Variants in GALNT13 observed in about 807,000 individuals in gnomAD.
GALNT13 encodes the protein polypeptide N-acetylgalactosaminyltransferase 13.
A neutral mutation model predicts 64.2 loss-of-function variants in GALNT13; 28 were observed. The ratio of observed to expected loss-of-function variants is 0.44; its 90% CI spans 0.32 to 0.60. GALNT13 has a LOEUF of 0.60. Ranked by LOEUF, GALNT13 falls within the 20% of genes least tolerant of loss-of-function variation. The pLI is 0.05. For missense variants in GALNT13, 577 were observed against 669.8 expected, an observed-to-expected ratio of 0.86 and a Z score of 1.53; for synonymous variants, 214 against 224.6, an observed-to-expected ratio of 0.95 and a Z score of 0.42.
intron 7 of GALNT13, 72 bp downstream of exon 7, chr2:154,246,054 C>A: frequency 9.9e-7 from 1 of 1,011,656 alleles, no homozygotes; most frequent in Non-Finnish European, 1.4e-6. Context: ...GATTTCTGTT[C>A]TAATGTTTAA....
chr2:153,817,476 G>A, the GALNT13 span, among the ~76,000 whole-genome samples: 1 of 152,202 alleles, frequency 6.6e-6, no homozygotes. Flanking sequence ...ACCCTGACCT[G>A]TCTTCAGCAA....
the GALNT13 span, among the ~76,000 whole-genome samples, chr2:153,075,703 A>G: frequency 1.3e-5 from 2 of 152,144 alleles, no homozygotes; most frequent in African/African-American, 4.8e-5. Flanking sequence ...CAAAAACAAG[A>G]TATGTCCAGA....
chr2:154,064,960 G>A (rs1700384542), intron 3 of GALNT13, among the ~76,000 whole-genome samples: 1 of 152,052 alleles, frequency 6.6e-6, no homozygotes, highest in Non-Finnish European at 1.5e-5. Flanking sequence ...TTGGCTCTTG[G>A]ATGGCATTTC....
intron 11 of GALNT13, among the ~76,000 whole-genome samples, chr2:154,409,509 TTAAG>T (rs1425344081): frequency 6.6e-6 from 1 of 152,028 alleles, no homozygotes; most frequent in Non-Finnish European, 1.5e-5. Flanking sequence ...AATAAAATGT[TTAAG>T]TATATAGTTC....
At chr2:154,324,474 G>A (rs1322281400) in intron 9 of GALNT13, among the ~76,000 whole-genome samples, 1 of 151,952 alleles carries the variant, frequency 6.6e-6, no homozygotes, top group Non-Finnish European at 1.5e-5. Context: ...CTAATTTTGA[G>A]AAGCTTCTTG....
At chr2:153,890,609 G>C (rs1687484884) in intron 1 of GALNT13, among the ~76,000 whole-genome samples, 1 of 152,002 alleles carries the variant, frequency 6.6e-6, no homozygotes, top group Non-Finnish European at 1.5e-5. Context: ...ACTTTTATCT[G>C]GGTCTCCCTC....
intron 3 of GALNT13, among the ~76,000 whole-genome samples, chr2:154,032,953 G>A (rs1698435460): frequency 7.6e-6 from 1 of 132,112 alleles, no homozygotes; most frequent in Non-Finnish European, 1.6e-5. Context: ...TTTATAGATT[G>A]TTGGGGATTT....
intron 3 of GALNT13, among the ~76,000 whole-genome samples, chr2:153,950,974 T>C (rs1258367102): frequency 3.3e-5 from 5 of 152,070 alleles, no homozygotes; most frequent in Non-Finnish European, 7.4e-5. Context: ...TACAGTATAA[T>C]ACTGCTTAAA....
At chr2:153,745,966 C>T in the GALNT13 span, among the ~76,000 whole-genome samples, 1 of 152,180 alleles carries the variant, frequency 6.6e-6, no homozygotes, top group African/African-American at 2.4e-5. Flanking sequence ...GAAACTGCTA[C>T]TTATGATACC....
chr2:153,739,804 A>C, the GALNT13 span, among the ~76,000 whole-genome samples: 1 of 151,358 alleles, frequency 6.6e-6, no homozygotes, highest in Non-Finnish European at 1.5e-5. Flanking sequence ...AACTATTGTC[A>C]TGAGGTATAT....
intron 4 of GALNT13, among the ~76,000 whole-genome samples, chr2:154,233,993 T>G (rs1222614874): frequency 6.6e-6 from 1 of 152,020 alleles, no homozygotes; most frequent in Non-Finnish European, 1.5e-5. Flanking sequence ...AATTTAGGAT[T>G]AGGAGCTACA....
chr2:153,656,896 G>T, the GALNT13 span, among the ~76,000 whole-genome samples: 1 of 152,090 alleles, frequency 6.6e-6, no homozygotes, highest in African/African-American at 2.4e-5. Flanking sequence ...AAGAGGAATA[G>T]GAGGTGCAAC....
In GALNT13 at chr2:153,997,195, A is replaced by G. The variant is rs537803771; in HGVS notation, c.142+52556A>G. 1.2e-4 allele frequency among the ~76,000 whole-genome samples: 18 copies of G among 152,018 alleles called. No homozygotes were observed. The South Asian group carries it at 3.1e-3, about 26-fold the overall frequency. ...ATACAACTTTAGGATTGCTTTTTCTATTTTTTGAATGAATGCCATTGGTGT... is the reference window on the plus strand; with the variant it reads ...ATACAACTTTAGGATTGCTTTTTCTGTTTTTTGAATGAATGCCATTGGTGT... On this transcript the variant is annotated intron_variant, in intron 3 of 12. Transcript: ENST00000392825.
At chr2:153,968,100 G>T (rs964531536) in intron 3 of GALNT13, among the ~76,000 whole-genome samples, 2 of 152,068 alleles carry the variant, frequency 1.3e-5, no homozygotes, top group African/African-American at 4.8e-5. Flanking sequence ...TGTTGCTCTG[G>T]TCCGTACCCC....
the GALNT13 span, among the ~76,000 whole-genome samples, chr2:153,689,063 CGTGTGTAT>C: frequency 9.0e-5 from 6 of 66,342 alleles, no homozygotes; most frequent in African/African-American, 3.4e-4. Context: ...TGCTAAACCG[CGTGTGTAT>C]GTGTGTGTGT....
intron 4 of GALNT13, among the ~76,000 whole-genome samples, chr2:154,223,492 C>G (rs1688432243): frequency 7.2e-6 from 1 of 138,326 alleles, no homozygotes; most frequent in South Asian, 2.2e-4. Context: ...GCTCTTGCTG[C>G]CCAGGCTAGA....
chr2:153,491,502 C>T, the GALNT13 span, among the ~76,000 whole-genome samples: 1 of 151,958 alleles, frequency 6.6e-6, no homozygotes, highest in Non-Finnish European at 1.5e-5. Context: ...ACAGACTCTC[C>T]CTGTGAGAAC....
At chr2:153,257,440 A>C in the GALNT13 span, among the ~76,000 whole-genome samples, 1 of 151,986 alleles carries the variant, frequency 6.6e-6, no homozygotes, top group Non-Finnish European at 1.5e-5. Context: ...GGAGCTGTAG[A>C]CCTGAGCTGT....
chr2:153,303,076 A>G, the GALNT13 span, among the ~76,000 whole-genome samples: 1 of 152,170 alleles, frequency 6.6e-6, no homozygotes, highest in Admixed American at 6.5e-5. Context: ...TTTCTGTGAA[A>G]AATGTTATTG....
Sources: allele counts gnomAD v4.1 joint callset (sites outside exome capture counted in the v4.1 genomes callset), GRCh38; gene constraint gnomAD v4.1.1; transcripts MANE v1.5; gene names NCBI Gene and HGNC (gene_info 2026-07-23, HGNC 2026-07-21).